The following GAK variants were observed in gnomAD, a reference collection of about 807,000 sequenced individuals.
The protein encoded by GAK is cyclin G associated kinase, also known as cyclin-G-associated kinase.
A neutral mutation model predicts 143.9 loss-of-function variants in GAK; 79 were observed. The ratio of observed to expected loss-of-function variants is 0.55; its 90% CI spans 0.46 to 0.66. The LOEUF is 0.66. Among genes scored for constraint, GAK ranks in the 30% least tolerant of loss-of-function variants. GAK has a pLI of 0.00. For missense variants in GAK, 1,693 were observed against 1,779.7 expected, an observed-to-expected ratio of 0.95 and a Z score of 0.88; for synonymous variants, 881 against 765.5, an observed-to-expected ratio of 1.15 and a Z score of -2.49.
chr4:894,490 C>T (rs1413596030), intron 7 of GAK: 1 of 156,402 alleles, frequency 6.4e-6, no homozygotes, highest in Non-Finnish European at 1.4e-5. Flanking sequence ...GCACCGCAGA[C>T]ATGGTGACTG....
intron 24 of GAK, among the ~76,000 whole-genome samples, chr4:855,505 G>A (rs962717609): frequency 2.6e-5 from 4 of 152,166 alleles, no homozygotes; most frequent in East Asian, 3.9e-4. Flanking sequence ...GAGTCCCTGC[G>A]CAGACAATCG....
intron 1 of GAK, among the ~76,000 whole-genome samples, chr4:922,586 A>G (rs1359594009): frequency 6.6e-6 from 1 of 151,660 alleles, no homozygotes; most frequent in Non-Finnish European, 1.5e-5. Context: ...CAGCACTGAC[A>G]GCATCTTGCT....
At position 856,411 on chromosome 4, in the gene GAK, T is replaced by TCACACCTGCTCAC. The variant is rs1232454574; in HGVS notation, c.3283+3194_3283+3195insGTGAGCAGGTGTG. Among the ~76,000 whole-genome samples the TCACACCTGCTCAC allele has an allele frequency of 1.7e-3, 92 of 54,722 alleles. 1 individual carries two copies. The highest frequency in any genetic ancestry group is 5.3e-3 in the African/African-American group (81 of 15,180). The allele number at this position is 54,722 out of a possible 152,430, so 35.9% of individuals were successfully genotyped here. A position where few individuals can be genotyped will look rare whatever the true frequency, so the allele number is the denominator to read the frequency against. Reference sequence around the variant, plus strand: ...CACACCTGCTCACCACCACAGCTGCTCACCACAGCTGCTCACACCTGCTCA... The same window carrying TCACACCTGCTCAC: ...CACACCTGCTCACCACCACAGCTGCTCACACCTGCTCACCACCACAGCTGCTCACACCTGCTCA... On this transcript the variant is annotated intron_variant, in intron 24 of 27. Coordinates refer to ENST00000314167, the MANE Select transcript of GAK (RefSeq NM_005255.4).
At chr4:882,409 C>G (rs1715321529) in intron 14 of GAK, among the ~76,000 whole-genome samples, 1 of 152,186 alleles carries the variant, frequency 6.6e-6, no homozygotes, top group African/African-American at 2.4e-5. Flanking sequence ...GGAAGTGACT[C>G]TTAGGTGGCC....
chr4:928,067 C>CT (rs1194606544), intron 1 of GAK, among the ~76,000 whole-genome samples: 1 of 151,954 alleles, frequency 6.6e-6, no homozygotes, highest in African/African-American at 2.4e-5. Flanking sequence ...TAAGGGTCTA[C>CT]TTTTTTTTGA....
rs372096519 is a variant in GAK at position 877,734 on chromosome 4, G to A, written c.1737C>T (p.Ala579=). The A allele has an allele frequency of 1.1e-4, 185 of 1,613,258 alleles. No homozygotes were observed. The highest frequency in any genetic ancestry group is 1.5e-4 in the Non-Finnish European group (174 of 1,179,914). Residue 579 remains alanine (A), a synonymous_variant, in exon 16 of 28, where the codon GCC becomes GCT. Coordinates refer to ENST00000314167, the MANE Select transcript of GAK (RefSeq NM_005255.4). ...TPHSKPILVR[A]VVMTPVPLFS... is the part of the protein sequence containing the mutation. Reference sequence around the variant, plus strand: ...ACAGCGGCACGGGTGTCATGACCACGGCCCTCACCAGGATGGGCTTGCTGT... The same window carrying A: ...ACAGCGGCACGGGTGTCATGACCACAGCCCTCACCAGGATGGGCTTGCTGT...
intron 5 of GAK, among the ~76,000 whole-genome samples, chr4:901,537 G>A (rs1263779974): frequency 6.6e-6 from 1 of 152,256 alleles, no homozygotes; most frequent in Non-Finnish European, 1.5e-5. Flanking sequence ...GATGCACGGG[G>A]TGCAGGGCCA....
intron 1 of GAK, among the ~76,000 whole-genome samples, chr4:917,742 T>C (rs1185637022): frequency 6.6e-6 from 1 of 152,250 alleles, no homozygotes; most frequent in Non-Finnish European, 1.5e-5. Flanking sequence ...CACACATACA[T>C]ACATGACATG....
intron 23 of GAK, among the ~76,000 whole-genome samples, chr4:864,664 C>G (rs759428944): frequency 2.6e-5 from 4 of 152,172 alleles, no homozygotes; most frequent in Admixed American, 6.5e-5. Context: ...CTGTACATGA[C>G]CCCCTTCCTG....
chr4:876,444 TG>T, intron 18 of GAK, 85 bp downstream of exon 18: 4 of 1,191,416 alleles, frequency 3.4e-6, no homozygotes, highest in Non-Finnish European at 5.0e-6. Context: ...CCACTCCCCC[TG>T]GGGCTCCCAC....
At chr4:858,846 G>C (rs1210402685) in intron 24 of GAK, among the ~76,000 whole-genome samples, 3 of 152,190 alleles carry the variant, frequency 2.0e-5, no homozygotes, top group Admixed American at 6.5e-5. Context: ...GACGGGAAAT[G>C]CTCCCGGAGC....
At chr4:876,392 AG>A in intron 18 of GAK, 137 bp downstream of exon 18, 5 of 717,302 alleles carry the variant, frequency 7.0e-6, no homozygotes, top group Non-Finnish European at 9.8e-6. Context: ...AGGATGGCCC[AG>A]GAACAGGCCC....
chr4:864,227 G>A (rs1272608509), intron 23 of GAK, among the ~76,000 whole-genome samples: 5 of 152,166 alleles, frequency 3.3e-5, no homozygotes, highest in African/African-American at 1.2e-4. Flanking sequence ...TGGGCATGGT[G>A]GCACATGCCT....
chr4:861,454 G>A (rs1750261440), intron 23 of GAK, among the ~76,000 whole-genome samples: 1 of 152,156 alleles, frequency 6.6e-6, no homozygotes, highest in Non-Finnish European at 1.5e-5. Context: ...AGATGGGCAT[G>A]GTGATGAGTG....
intron 16 of GAK, 122 bp downstream of exon 16, chr4:877,493 A>G (rs1714191276): frequency 1.9e-6 from 2 of 1,030,860 alleles, no homozygotes; most frequent in Admixed American, 2.9e-5. Context: ...CACAGACGCC[A>G]CAGTTCCAAA....
intron 1 of GAK, among the ~76,000 whole-genome samples, chr4:914,669 G>A (rs1577298625): frequency 2.6e-5 from 2 of 75,660 alleles, no homozygotes; most frequent in Non-Finnish European, 4.8e-5. Context: ...CACAGCCCCA[G>A]CGTGCACAGC....
intron 10 of GAK, among the ~76,000 whole-genome samples, chr4:890,310 C>T (rs1717387195): frequency 6.6e-6 from 1 of 152,176 alleles, no homozygotes; most frequent in South Asian, 2.1e-4. Context: ...AATCCTGACC[C>T]CCTCCTGAAC....
At chr4:912,335 G>C in intron 3 of GAK, 1 of 368,868 alleles carries the variant, frequency 2.7e-6, no homozygotes, top group Non-Finnish European at 5.4e-6. Context: ...GAGAAGGGAC[G>C]AGAGGGGCGG....
At chr4:883,263 G>C in intron 13 of GAK, 52 bp downstream of exon 13, 5 of 1,597,346 alleles carry the variant, frequency 3.1e-6, no homozygotes, top group Non-Finnish European at 4.3e-6. Flanking sequence ...CCCTGCACTG[G>C]AGCGGAAGGA....
Sources: gnomAD v4.1 joint callset for allele counts (sites outside exome capture counted in the v4.1 genomes callset) on GRCh38, gnomAD v4.1.1 for gene constraint, MANE v1.5 for transcripts, NCBI Gene and HGNC (gene_info 2026-07-23, HGNC 2026-07-21) for gene names.